TMEM132C: variants seen among roughly 807,000 people sequenced by gnomAD.
The protein encoded by TMEM132C is protein phosphatase 1, regulatory subunit 152.
TMEM132C carries 29 observed loss-of-function variants against 61.4 expected under a neutral mutation model. The observed-to-expected ratio is 0.47, with a 90% CI of 0.35 to 0.64. The LOEUF is 0.64. TMEM132C is among the 30% of genes least tolerant of loss of function. TMEM132C has a pLI of 0.00. For missense variants in TMEM132C, 1,408 were observed against 1,476.9 expected (o/e 0.95, Z 0.76); for synonymous variants, 656 against 633.1 (o/e 1.04, Z -0.54).
chr12:128,531,020 AAG>A (rs1873275991), intron 2 of TMEM132C, among the ~76,000 whole-genome samples: 1 of 152,212 alleles, frequency 6.6e-6, no homozygotes, highest in African/African-American at 2.4e-5. Flanking sequence ...GTTTCAATGA[AAG>A]AAGAGAAGGA....
chr12:128,546,992 G>T (rs1443353636), intron 3 of TMEM132C, among the ~76,000 whole-genome samples: 1 of 152,182 alleles, frequency 6.6e-6, no homozygotes, highest in Non-Finnish European at 1.5e-5. Flanking sequence ...GGGTACCGAG[G>T]TCAGGCCAGC....
At chr12:128,310,172 T>C (rs977288288) in intron 1 of TMEM132C, among the ~76,000 whole-genome samples, 4 of 152,230 alleles carry the variant, frequency 2.6e-5, no homozygotes, top group African/African-American at 4.8e-5. Flanking sequence ...CCATGAACCT[T>C]CATGTATAAG....
intron 5 of TMEM132C, among the ~76,000 whole-genome samples, chr12:128,688,706 C>T (rs1954696558): frequency 6.6e-6 from 1 of 152,184 alleles, no homozygotes; most frequent in Admixed American, 6.5e-5. Context: ...GAGAAAAAGA[C>T]AAATCAAGCA....
At chr12:128,499,333 A>T (rs1255229359) in intron 2 of TMEM132C, among the ~76,000 whole-genome samples, 1 of 152,216 alleles carries the variant, frequency 6.6e-6, no homozygotes, top group Non-Finnish European at 1.5e-5. Context: ...TGATGCAGGC[A>T]TACAGTGTGT....
At chr12:128,499,477 T>C (rs1282040703) in intron 2 of TMEM132C, among the ~76,000 whole-genome samples, 1 of 152,226 alleles carries the variant, frequency 6.6e-6, no homozygotes, top group Non-Finnish European at 1.5e-5. Context: ...GGAGTCACCC[T>C]ACTGTGCTAC....
At chr12:128,407,404 A>G (rs2136015230) in intron 1 of TMEM132C, among the ~76,000 whole-genome samples, 1 of 152,286 alleles carries the variant, frequency 6.6e-6, no homozygotes, top group Middle Eastern at 3.4e-3. Context: ...AAAGTGGACT[A>G]ATCATACGGT....
At chr12:128,619,343 TAGG>T (rs1323167210) in intron 4 of TMEM132C, among the ~76,000 whole-genome samples, 1 of 152,198 alleles carries the variant, frequency 6.6e-6, no homozygotes, top group Admixed American at 6.5e-5. Flanking sequence ...GAGCCACGGA[TAGG>T]AGGATTCAGC....
chr12:128,560,509 T>C (rs1490310337), intron 3 of TMEM132C, among the ~76,000 whole-genome samples: 1 of 152,220 alleles, frequency 6.6e-6, no homozygotes, highest in Non-Finnish European at 1.5e-5. Context: ...GACCAGATTA[T>C]TCTAATTTCT....
chr12:128,577,774 GTCTC>G (rs1875172606), intron 3 of TMEM132C, among the ~76,000 whole-genome samples: 1 of 152,178 alleles, frequency 6.6e-6, no homozygotes, highest in Non-Finnish European at 1.5e-5. Context: ...CCTGGGATGA[GTCTC>G]TCCTCCTCAC....
At chr12:128,324,525 A>G (rs1419192316) in intron 1 of TMEM132C, among the ~76,000 whole-genome samples, 1 of 152,194 alleles carries the variant, frequency 6.6e-6, no homozygotes, top group Non-Finnish European at 1.5e-5. Flanking sequence ...TTACAAAGTT[A>G]AAACCAGTCG....
At chr12:128,371,018 C>G (rs1017331672) in intron 1 of TMEM132C, among the ~76,000 whole-genome samples, 1 of 152,104 alleles carries the variant, frequency 6.6e-6, no homozygotes, top group Non-Finnish European at 1.5e-5. Context: ...GGCTTTCAAT[C>G]CAGGTGCCTG....
intron 2 of TMEM132C, among the ~76,000 whole-genome samples, chr12:128,469,626 T>TTG (rs375592340): frequency 6.8e-6 from 1 of 147,586 alleles, no homozygotes; most frequent in Non-Finnish European, 1.5e-5. Context: ...CTTGTATGCT[T>TTG]TGTGTGTGTG....
At chr12:128,513,043 CG>C (rs1872616055) in intron 2 of TMEM132C, among the ~76,000 whole-genome samples, 1 of 152,018 alleles carries the variant, frequency 6.6e-6, no homozygotes, top group Non-Finnish European at 1.5e-5. Context: ...GATGATATGC[CG>C]GGAGGGAGAG....
At chr12:128,576,198 G>A (rs1042967372) in intron 3 of TMEM132C, among the ~76,000 whole-genome samples, 1 of 151,582 alleles carries the variant, frequency 6.6e-6, no homozygotes. Context: ...AGTTTGCAGT[G>A]AGCTGAGATC....
At chr12:128,651,234 G>C (rs113118672) in intron 4 of TMEM132C, among the ~76,000 whole-genome samples, 4 of 152,300 alleles carry the variant, frequency 2.6e-5, no homozygotes, top group Admixed American at 2.6e-4. Flanking sequence ...TGACACACAG[G>C]CTGCCCTGAG....
At chr12:128,605,606 G>A (rs960822116) in intron 3 of TMEM132C, among the ~76,000 whole-genome samples, 1 of 152,180 alleles carries the variant, frequency 6.6e-6, no homozygotes, top group Non-Finnish European at 1.5e-5. Flanking sequence ...GTGCATTACG[G>A]ATCTGGTGTG....
chr12:128,535,093 C>T (rs1432420792), intron 2 of TMEM132C, among the ~76,000 whole-genome samples: 1 of 152,160 alleles, frequency 6.6e-6, no homozygotes, highest in Non-Finnish European at 1.5e-5. Context: ...GGGGACTTTC[C>T]CATGCTAATG....
intron 1 of TMEM132C, among the ~76,000 whole-genome samples, chr12:128,269,347 CGTGTGTGTGTGTGT>C (rs58843737): frequency 2.1e-5 from 3 of 143,050 alleles, no homozygotes; most frequent in Non-Finnish European, 4.5e-5. Context: ...GCTCACATTC[CGTGTGTGTGTGTGT>C]GTGTGTGTGT....
Position 128,555,083 on chromosome 12 carries a change from ACT to A in TMEM132C, c.1121+10985_1121+10986del, listed in dbSNP as rs774464777. Among the ~76,000 whole-genome samples the A allele has an allele frequency of 1.6e-4, 25 of 152,194 alleles. No homozygotes were observed. In the South Asian group the frequency reaches 3.5e-3, roughly 21 times the overall value. ...CAAGAGCCAGCATCGTGCTTCAGGG[ACT>A]CTCTGCTGCAGGGGAGAAAAGTAAA... On this transcript the variant is annotated intron_variant, in intron 3 of 8. Coordinates refer to ENST00000435159, the MANE Select transcript of TMEM132C (RefSeq NM_001136103.3).
Sources: gnomAD v4.1 joint callset for allele counts (sites outside exome capture counted in the v4.1 genomes callset) on GRCh38, gnomAD v4.1.1 for gene constraint, MANE v1.5 for transcripts, NCBI Gene and HGNC (gene_info 2026-07-23, HGNC 2026-07-21) for gene names.